The following RAP1GAP2 variants were observed in gnomAD, a reference collection of about 807,000 sequenced individuals.
RAP1GAP2 encodes the protein rap1 GTPase-activating protein 2.
RAP1GAP2 carries 27 observed loss-of-function variants against 95.0 expected under a neutral mutation model. That is an observed-to-expected ratio of 0.28 (90% CI 0.21 to 0.39). The LOEUF (loss-of-function observed/expected upper bound fraction) is 0.39, where lower values mean the gene tolerates loss of function less well. Among genes scored for constraint, RAP1GAP2 ranks in the 10% least tolerant of loss-of-function variants. The probability of loss-of-function intolerance (pLI) is 1.00; values close to 1 mark genes in which losing one functional copy is unlikely to be tolerated. For missense variants in RAP1GAP2, 771 were observed against 970.0 expected, an observed-to-expected ratio of 0.79 and a Z score of 2.72; for synonymous variants, 373 against 380.9, an observed-to-expected ratio of 0.98 and a Z score of 0.24.
At chr17:2,931,280 T>TGTGTGTCTGTG (rs2043143190) in intron 3 of RAP1GAP2, among the ~76,000 whole-genome samples, 1 of 146,666 alleles carries the variant, frequency 6.8e-6, no homozygotes, top group African/African-American at 2.6e-5. Flanking sequence ...TGAGTGTTTC[T>TGTGTGTCTGTG]TGTGTGTGTG....
At chr17:2,923,822 G>A (rs772279439) in intron 3 of RAP1GAP2, among the ~76,000 whole-genome samples, 7 of 152,100 alleles carry the variant, frequency 4.6e-5, no homozygotes, top group Non-Finnish European at 8.8e-5. Flanking sequence ...AGAAATATCC[G>A]TTCTTACCAT....
intron 2 of RAP1GAP2, among the ~76,000 whole-genome samples, chr17:2,888,519 G>A (rs576538415): frequency 6.6e-6 from 1 of 152,148 alleles, no homozygotes; most frequent in Non-Finnish European, 1.5e-5. Context: ...CCCACAGTGT[G>A]TGTGTTTCTG....
intron 2 of RAP1GAP2, among the ~76,000 whole-genome samples, chr17:2,815,770 C>T (rs939524975): frequency 1.3e-5 from 2 of 152,172 alleles, no homozygotes; most frequent in Non-Finnish European, 2.9e-5. Flanking sequence ...GCGCGAGCCA[C>T]CGCACCCGGC....
chr17:2,975,225 C>T (rs1458894785), intron 8 of RAP1GAP2, among the ~76,000 whole-genome samples: 4 of 148,910 alleles, frequency 2.7e-5, no homozygotes, highest in South Asian at 4.4e-4. Context: ...AGCAAGACTG[C>T]GTCTCAAAAA....
At chr17:2,863,967 G>A (rs1006496229) in intron 2 of RAP1GAP2, among the ~76,000 whole-genome samples, 2 of 152,154 alleles carry the variant, frequency 1.3e-5, no homozygotes, top group African/African-American at 2.4e-5. Context: ...CAGGAGAATC[G>A]CTTGAACCCG....
rs2047464428 is a variant in RAP1GAP2 at position 3,036,314 on chromosome 17, GCT to G, written c.*2954_*2955del. 1.3e-5 allele frequency: 2 copies of G among 152,232 alleles called. No homozygotes were observed. Among genetic ancestry groups the G allele is most frequent in the African/African-American group, 2.4e-5 (1 of 41,444 alleles). The allele number at this position is 152,232 out of a possible 1,614,324, so 9.4% of individuals were successfully genotyped here. A position where few individuals can be genotyped will look rare whatever the true frequency, so the allele number is the denominator to read the frequency against. ...TAACTTGCTTGAGGTCACACAGCTGGCTGTTGGCAAAGCTGGGATTAGAACCC... is the reference window on the plus strand; with the variant it reads ...TAACTTGCTTGAGGTCACACAGCTGGGTTGGCAAAGCTGGGATTAGAACCC... On this transcript the variant is annotated 3_prime_UTR_variant, in exon 25 of 25. Transcript: ENST00000254695.
chr17:3,005,007 C>G lies in RAP1GAP2; in HGVS notation c.1201-362C>G, dbSNP rs1053676458. Among the ~76,000 whole-genome samples, 1 of 152,052 alleles carries G rather than the reference C, an allele frequency of 6.6e-6. No individual in the cohort carries two copies. Among genetic ancestry groups the G allele is most frequent in the South Asian group, 2.1e-4 (1 of 4,808 alleles). On this transcript the variant is annotated intron_variant, in intron 14 of 24. Transcript: ENST00000254695. The surrounding 1 kb of genome is among the most constrained non-coding windows in gnomAD (Gnocchi z 5.2). The stretch of plus-strand genomic sequence containing the variant: ...GCATCTGTTTCCTCATCAGGGAGAA[C>G]AGTTCTCCCTGTGCCTTCTCAGTAG...
chr17:2,950,218 T>C (rs997382408), intron 3 of RAP1GAP2, among the ~76,000 whole-genome samples: 33 of 152,110 alleles, frequency 2.2e-4, no homozygotes, highest in African/African-American at 7.7e-4. Context: ...CATGCCTGGC[T>C]AAGTTTTGTA....
intron 2 of RAP1GAP2, among the ~76,000 whole-genome samples, chr17:2,801,597 A>ATGTGTGTGTGTGTGTGTG (rs71150898): frequency 2.5e-5 from 3 of 121,876 alleles, no homozygotes; most frequent in African/African-American, 3.3e-5. Flanking sequence ...ACTCCAGGGT[A>ATGTGTGTGTGTGTGTGTG]TGTGTGTGTG....
In RAP1GAP2 at chr17:2,796,469, G is replaced by C. The variant is rs1382755826; in HGVS notation, c.-59G>C. ...CCCGCTGTACCACGGCCCTCTTGCG[G>C]ACAGCCCCGGGGACGTCGTTGGGAC... On this transcript the variant is annotated 5_prime_UTR_variant, in exon 1 of 25. Transcript: ENST00000254695. The surrounding 1 kb of genome is among the most constrained non-coding windows in gnomAD (Gnocchi z 4.7). The C allele has an allele frequency of 1.3e-6, 2 of 1,545,596 alleles. No individual in the cohort carries two copies. Among genetic ancestry groups the C allele is most frequent in the Admixed American group, 2.0e-5 (1 of 50,990 alleles).
intron 3 of RAP1GAP2, among the ~76,000 whole-genome samples, chr17:2,919,765 C>G (rs183268524): frequency 6.6e-6 from 1 of 152,050 alleles, no homozygotes. Flanking sequence ...TGCAGTAGCG[C>G]GATCTCGGCT....
chr17:3,010,896 C>A (rs1046435001), intron 17 of RAP1GAP2, among the ~76,000 whole-genome samples: 4 of 152,044 alleles, frequency 2.6e-5, no homozygotes, highest in African/African-American at 9.7e-5. Flanking sequence ...AGGGCCCTGA[C>A]GGTTGTGACC....
At chr17:2,801,344 A>C (rs1234498932) in intron 2 of RAP1GAP2, among the ~76,000 whole-genome samples, 2 of 151,234 alleles carry the variant, frequency 1.3e-5, no homozygotes, top group Non-Finnish European at 2.9e-5. Flanking sequence ...GCGTGATGGC[A>C]CTTGCCTGTA....
intron 1 of RAP1GAP2, among the ~76,000 whole-genome samples, chr17:2,784,676 A>G (rs1278550192): frequency 6.6e-6 from 1 of 152,200 alleles, no homozygotes; most frequent in African/African-American, 2.4e-5. Flanking sequence ...CATGTAGTCC[A>G]GGAGGCATCT....
At chr17:2,978,332 T>C (rs1156710109) in intron 8 of RAP1GAP2, among the ~76,000 whole-genome samples, 1 of 152,032 alleles carries the variant, frequency 6.6e-6, no homozygotes, top group Non-Finnish European at 1.5e-5. Context: ...ATGATAAGGA[T>C]GAGGGTGGCT....
At chr17:3,022,902 T>C (rs2151650736) in intron 19 of RAP1GAP2, among the ~76,000 whole-genome samples, 1 of 152,278 alleles carries the variant, frequency 6.6e-6, no homozygotes, top group East Asian at 1.9e-4. Context: ...ATTTGATTTT[T>C]ATGTATGGTG....
intron 14 of RAP1GAP2, among the ~76,000 whole-genome samples, chr17:2,999,118 G>A (rs947329403): frequency 5.9e-5 from 9 of 152,124 alleles, no homozygotes; most frequent in Non-Finnish European, 1.0e-4. Context: ...CTGTCAGATG[G>A]CTCGAAATCC....
intron 1 of RAP1GAP2, among the ~76,000 whole-genome samples, chr17:2,787,803 G>A (rs751546488): frequency 1.3e-5 from 2 of 152,108 alleles, no homozygotes; most frequent in Non-Finnish European, 2.9e-5. Flanking sequence ...TCCTGACCTC[G>A]TGATCTGCCC....
chr17:2,983,924 A>G (rs1004786195), intron 10 of RAP1GAP2, among the ~76,000 whole-genome samples: 1 of 152,226 alleles, frequency 6.6e-6, no homozygotes, highest in African/African-American at 2.4e-5. Flanking sequence ...GTTGATGATG[A>G]TGATAGCTGC....
Sources: allele counts gnomAD v4.1 joint callset (sites outside exome capture counted in the v4.1 genomes callset), GRCh38; gene constraint gnomAD v4.1.1; non-coding constraint Gnocchi (gnomAD v3.1); transcripts MANE v1.5; gene names NCBI Gene and HGNC (gene_info 2026-07-23, HGNC 2026-07-21).